WDR1: variants seen among roughly 807,000 people sequenced by gnomAD.
The protein encoded by WDR1 is WD repeat-containing protein 1.
WDR1 carries 21 observed loss-of-function variants against 71.9 expected under a neutral mutation model. The observed-to-expected ratio is 0.29, with a 90% CI of 0.21 to 0.42. The LOEUF (loss-of-function observed/expected upper bound fraction) is 0.42. WDR1 is among the 10% of genes least tolerant of loss of function. The pLI is 1.00. For missense variants in WDR1, 696 were observed against 824.5 expected, an observed-to-expected ratio of 0.84 and a Z score of 1.91; for synonymous variants, 424 against 347.4, an observed-to-expected ratio of 1.22 and a Z score of -2.45.
Position 10,116,095 on chromosome 4 carries a change from G to C in WDR1, c.138+18C>G. On this transcript the variant is annotated intron_variant, in intron 2 of 14. Coordinates refer to ENST00000499869, the MANE Select transcript of WDR1 (RefSeq NM_017491.5). ...GTGGCTCCGGAGCAGAACCGCGCCCGGGGTAGGGGGTACTCACGTCGATGT... is the reference window on the plus strand; with the variant it reads ...GTGGCTCCGGAGCAGAACCGCGCCCCGGGTAGGGGGTACTCACGTCGATGT... 2.5e-6 allele frequency: 4 copies of C among 1,608,094 alleles called. No individual in the cohort carries two copies. Among genetic ancestry groups the C allele is most frequent in the Non-Finnish European group, 3.4e-6 (4 of 1,176,814 alleles).
At chr4:10,116,389 C>T (rs1367312987) in intron 1 of WDR1, 155 bp from the exon 2 acceptor site, 18 of 1,167,910 alleles carry the variant, frequency 1.5e-5, no homozygotes, top group Admixed American at 5.1e-5. Context: ...AACCGCGCGA[C>T]TTCCTGGTCC....
At chr4:10,114,278 TAC>T (rs1713573335) in intron 2 of WDR1, among the ~76,000 whole-genome samples, 1 of 152,134 alleles carries the variant, frequency 6.6e-6, no homozygotes, top group African/African-American at 2.4e-5. Context: ...GGGGTAAGAA[TAC>T]AGAGCTCAGA....
At chr4:10,102,650 C>G (rs959989537) in intron 3 of WDR1, among the ~76,000 whole-genome samples, 6 of 152,208 alleles carry the variant, frequency 3.9e-5, no homozygotes, top group Admixed American at 3.9e-4. Flanking sequence ...CCTGTGAGCA[C>G]AAAGCAGAGT....
chr4:10,116,507 G>A, intron 1 of WDR1, 144 bp downstream of exon 1: 5 of 666,860 alleles, frequency 7.5e-6, no homozygotes, highest in Non-Finnish European at 9.5e-6. Flanking sequence ...ACCACCGAGG[G>A]CGGCCCCGCC....
chr4:10,099,710 G>GGGCTTCCTGTGC (rs1344900917), intron 3 of WDR1, among the ~76,000 whole-genome samples: 1 of 152,244 alleles, frequency 6.6e-6, no homozygotes, highest in Non-Finnish European at 1.5e-5. Context: ...CCTGCAGACC[G>GGGCTTCCTGTGC]GGCTTCCTGT....
chr4:10,077,215 G>C (rs1764833181), intron 14 of WDR1, 89 bp downstream of exon 14: 1 of 1,539,660 alleles, frequency 6.5e-7, no homozygotes, highest in Non-Finnish European at 8.8e-7. Context: ...CTTAGCCCTG[G>C]GGACTGAAGC....
chr4:10,104,486 CCT>C (rs990879904), intron 2 of WDR1, among the ~76,000 whole-genome samples: 3 of 152,162 alleles, frequency 2.0e-5, no homozygotes, highest in African/African-American at 4.8e-5. Context: ...CTGTGGGAGC[CCT>C]CTCTATCAAA....
Position 10,099,096 on chromosome 4 carries a change from C to T in WDR1, c.273G>A (p.Glu91=), listed in dbSNP as rs758198205. 2.5e-6 allele frequency: 4 copies of T among 1,613,312 alleles called. No individual in the cohort carries two copies. In the South Asian group the frequency reaches 4.4e-5, roughly 18 times the overall value. The change falls in exon 4 of 15, where the codon GAG becomes GAA. Residue 91 remains glutamate, a synonymous_variant. Transcript: ENST00000499869. Reference sequence around the variant, plus strand: ...GCTGGTACTCATACTTCAACAGGTGCTCCTTCTGCGTGGTATCCCAGATCC... The same window carrying T: ...GCTGGTACTCATACTTCAACAGGTGTTCCTTCTGCGTGGTATCCCAGATCC... ...KLRIWDTTQK[E]HLLKYEYQPF...
intron 3 of WDR1, among the ~76,000 whole-genome samples, chr4:10,099,490 T>C (rs1331641192): frequency 6.6e-6 from 1 of 152,232 alleles, no homozygotes; most frequent in African/African-American, 2.4e-5. Flanking sequence ...AGGAAGTGGT[T>C]TAGTTTTCTC....
intron 3 of WDR1, among the ~76,000 whole-genome samples, chr4:10,101,442 G>T (rs1182180536): frequency 6.6e-6 from 1 of 152,098 alleles, no homozygotes; most frequent in African/African-American, 2.4e-5. Context: ...CATCTCTGCA[G>T]CAAACGTTCC....
intron 2 of WDR1, among the ~76,000 whole-genome samples, chr4:10,114,165 A>C (rs1713565743): frequency 6.6e-6 from 1 of 152,334 alleles, no homozygotes. Flanking sequence ...AGGGAGGGCT[A>C]TATTAGTAGC....
intron 8 of WDR1, among the ~76,000 whole-genome samples, chr4:10,087,014 A>ACC (rs3836720): frequency 2.8e-4 from 42 of 151,408 alleles, no homozygotes; most frequent in Admixed American, 6.6e-4. Context: ...AGAAGGCAGG[A>ACC]CCCCCCCAGC....
chr4:10,075,001 G>A lies in WDR1; in HGVS notation c.*377C>T, dbSNP rs747027414. The A allele has an allele frequency of 3.3e-6, 1 of 300,976 alleles. No individual in the cohort carries two copies. Among genetic ancestry groups the A allele is most frequent in the Non-Finnish European group, 6.2e-6 (1 of 162,374 alleles). The allele number at this position is 300,976 out of a possible 1,614,324, so 18.6% of individuals were successfully genotyped here. On this transcript the variant is annotated 3_prime_UTR_variant, in exon 15 of 15. Coordinates refer to ENST00000499869, the MANE Select transcript of WDR1 (RefSeq NM_017491.5). ...CTGCAGGCAGGAACATGAGCCCCCC[G>A]GCTCATTCACCTGTACAACCTCCCC...
At chr4:10,115,101 G>A (rs961863543) in intron 2 of WDR1, among the ~76,000 whole-genome samples, 2 of 152,188 alleles carry the variant, frequency 1.3e-5, no homozygotes, top group African/African-American at 4.8e-5. Context: ...ACCCTTGTAT[G>A]CCTATGGCAT....
intron 2 of WDR1, among the ~76,000 whole-genome samples, chr4:10,109,497 G>A (rs1225584465): frequency 6.6e-6 from 1 of 152,244 alleles, no homozygotes; most frequent in Non-Finnish European, 1.5e-5. Context: ...CTTCCAAACA[G>A]TGTACAGGCA....
In WDR1 at chr4:10,081,369, C is replaced by G; in HGVS notation, c.1272G>C (p.Val424=). The G allele has an allele frequency of 1.2e-6, 2 of 1,613,956 alleles. No individual in the cohort carries two copies. Among genetic ancestry groups the G allele is most frequent in the Non-Finnish European group, 1.7e-6 (2 of 1,179,882 alleles). ...AVGPGGYAVV[V]CIGQIVLLKD... is the part of the protein sequence containing the mutation. ...GCCAGGTCCCTACCTGTCCAATGCA[C>G]ACGACCACGGCGTATCCCCCGGGGC... Residue 424 remains valine, a synonymous_variant, in exon 11 of 15, where the codon GTG becomes GTC. Coordinates refer to ENST00000499869, the MANE Select transcript of WDR1 (RefSeq NM_017491.5).
intron 5 of WDR1, chr4:10,092,755 C>A (rs372214526): frequency 1.8e-5 from 5 of 275,470 alleles, no homozygotes; most frequent in South Asian, 1.4e-4. Flanking sequence ...CACGGAGGCC[C>A]GGCCAGTGAA....
At chr4:10,101,141 A>G (rs549802335) in intron 3 of WDR1, among the ~76,000 whole-genome samples, 4 of 152,402 alleles carry the variant, frequency 2.6e-5, no homozygotes, top group African/African-American at 9.6e-5. Flanking sequence ...GAACAGTATC[A>G]TGAAAATAAC....
chr4:10,105,899 C>G (rs1454003635), intron 2 of WDR1, among the ~76,000 whole-genome samples: 1 of 152,198 alleles, frequency 6.6e-6, no homozygotes, highest in African/African-American at 2.4e-5. Context: ...AACAGAGAAA[C>G]AGGCAACACA....
Sources: gnomAD v4.1 joint callset for allele counts (sites outside exome capture counted in the v4.1 genomes callset) on GRCh38, gnomAD v4.1.1 for gene constraint, MANE v1.5 for transcripts, NCBI Gene and HGNC (gene_info 2026-07-23, HGNC 2026-07-21) for gene names.